Variants in REL observed in about 807,000 individuals in gnomAD.
REL encodes REL proto-oncogene, NF-kB subunit, also known as proto-oncogene c-Rel.
REL carries 15 observed loss-of-function variants against 45.9 expected under a neutral mutation model. The observed-to-expected ratio is 0.33, with a 90% CI of 0.22 to 0.50. The LOEUF (loss-of-function observed/expected upper bound fraction) is 0.50, where lower values mean the gene tolerates loss of function less well. Among genes scored for constraint, REL ranks in the 20% least tolerant of loss-of-function variants. The pLI, the probability that REL is intolerant of heterozygous loss-of-function variation, is 0.98. For synonymous variants in REL, 239 were observed against 242.1 expected, an observed-to-expected ratio of 0.99 and a Z score of 0.12; for missense variants, 601 against 715.2, an observed-to-expected ratio of 0.84 and a Z score of 1.82.
Position 60,894,405 on chromosome 2 carries a change from C to T in REL, c.162C>T (p.Asn54=). 6.6e-7 allele frequency: 1 copy of T among 1,525,766 alleles called. No homozygotes were observed. The highest frequency in any genetic ancestry group is 8.9e-7 in the Non-Finnish European group (1 of 1,122,678). The allele number at this position is 1,525,766 out of a possible 1,614,324, so 94.5% of individuals were successfully genotyped here. A position where few individuals can be genotyped will look rare whatever the true frequency, so the allele number is the denominator to read the frequency against. ...TTTCCCCCTTTTTTCAGATTATGAA[C>T]TATTATGGAAAAGGAAAAGTGAGAA... The part of the protein sequence containing the change: ...NRTYPSIQIM[N]YYGKGKVRIT... The change falls in exon 3 of 10, where the codon AAC becomes AAT. Residue 54 remains asparagine, a synonymous_variant. Transcript: ENST00000394479.
rs1674176138 is a variant in REL, at chr2:60,922,630, C to G, written c.*95C>G. ...CTGGGGATATAATACTATATTTATA[C>G]TGTATATATAATACTGACTGAGAAT... On this transcript the variant is annotated 3_prime_UTR_variant, in exon 10 of 10. Transcript: ENST00000394479. 2.1e-6 allele frequency: 3 copies of G among 1,404,396 alleles called. No homozygotes were observed. The highest frequency in any genetic ancestry group is 5.7e-5 in the Admixed American group (2 of 35,086). The allele number at this position is 1,404,396 out of a possible 1,614,324, so 87.0% of individuals were successfully genotyped here.
Position 60,925,679 on chromosome 2 carries a change from G to A in REL, c.*3144G>A, listed in dbSNP as rs1288840476. ...ACCCAGGATGTCTCTAGATGATGAT[G>A]GATGATAGGTGGGGAGATTTTTTTT... On this transcript the variant is annotated 3_prime_UTR_variant, in exon 10 of 10. Coordinates refer to ENST00000394479, the MANE Select transcript of REL (RefSeq NM_001291746.2). The A allele has an allele frequency of 5.3e-6, 1 of 187,054 alleles. No individual in the cohort carries two copies. Among genetic ancestry groups the A allele is most frequent in the East Asian group, 7.9e-5 (1 of 12,606 alleles). 11.6% of individuals were successfully genotyped at this position (187,054 alleles called of 1,614,324 possible).
intron 5 of REL, among the ~76,000 whole-genome samples, chr2:60,917,560 C>T (rs1290960886): frequency 7.7e-6 from 1 of 130,422 alleles, no homozygotes; most frequent in African/African-American, 2.9e-5. Context: ...GACAGGGTCT[C>T]ACTCTGTCAC....
intron 4 of REL, among the ~76,000 whole-genome samples, chr2:60,904,086 A>AT (rs981486549): frequency 1.6e-4 from 25 of 152,262 alleles, no homozygotes; most frequent in African/African-American, 6.0e-4. Context: ...AATAGGTACT[A>AT]TTAATAACTC....
At chr2:60,899,046 G>T (rs991085780) in intron 3 of REL, 5 of 152,094 alleles carry the variant, frequency 3.3e-5, no homozygotes, top group African/African-American at 1.2e-4. Flanking sequence ...GAAACAAAAT[G>T]AAGTAATATA....
chr2:60,896,613 T>C (rs917805325), intron 3 of REL, among the ~76,000 whole-genome samples: 3 of 152,184 alleles, frequency 2.0e-5, no homozygotes, highest in African/African-American at 7.2e-5. Flanking sequence ...CTTACAATAA[T>C]AACACAAAAG....
chr2:60,887,799 A>G (rs150256968), intron 1 of REL, among the ~76,000 whole-genome samples: 30 of 151,904 alleles, frequency 2.0e-4, no homozygotes, highest in African/African-American at 7.0e-4. Flanking sequence ...ACTGATATTT[A>G]TGTAATTTTT....
At chr2:60,904,485 C>G (rs186223087) in intron 4 of REL, among the ~76,000 whole-genome samples, 1 of 151,586 alleles carries the variant, frequency 6.6e-6, no homozygotes, top group East Asian at 1.9e-4. Flanking sequence ...GCAGGAGAAT[C>G]GCTTGAACCC....
At position 60,925,906 on chromosome 2, in the gene REL, T is replaced by G. The variant is rs1052644721; in HGVS notation, c.*3371T>G. On this transcript the variant is annotated 3_prime_UTR_variant, in exon 10 of 10. Coordinates refer to ENST00000394479, the MANE Select transcript of REL (RefSeq NM_001291746.2). ...TAAAACTAAATAAGTGTTGGCTAGT[T>G]TTGCGGTGTAAGCAGAATTAAGGTT... 4.4e-6 allele frequency: 1 copy of G among 225,280 alleles called. No homozygotes were observed. The highest frequency in any genetic ancestry group is 2.2e-5 in the African/African-American group (1 of 44,844). The allele number at this position is 225,280 out of a possible 1,614,324, so 14.0% of individuals were successfully genotyped here.
intron 4 of REL, among the ~76,000 whole-genome samples, chr2:60,903,129 A>G (rs1351524268): frequency 6.6e-6 from 1 of 152,232 alleles, no homozygotes; most frequent in East Asian, 1.9e-4. Flanking sequence ...TATAAGTGAT[A>G]GCTATCATTT....
chr2:60,900,976 G>T lies in REL; in HGVS notation c.303-16G>T. 1 of 1,590,576 alleles carries T rather than the reference G, an allele frequency of 6.3e-7. No homozygotes were observed. The highest frequency in any genetic ancestry group is 8.6e-7 in the Non-Finnish European group (1 of 1,168,416). ...TGTTTATAATGCAGTTTTGAATATT[G>T]TTTTTTTCCTGCTAGTTTCCAAAAT... On this transcript the variant is annotated splice_polypyrimidine_tract_variant and intron_variant, in intron 3 of 9. Coordinates refer to ENST00000394479, the MANE Select transcript of REL (RefSeq NM_001291746.2).
rs761861205 is a variant in REL at position 60,922,357 on chromosome 2, C to T, written c.1586C>T (p.Ala529Val). 2.5e-6 allele frequency: 4 copies of T among 1,614,102 alleles called. No individual in the cohort carries two copies. The Admixed American group carries it at 5.0e-5, about 20-fold the overall frequency. The change falls in exon 10 of 10, where the codon GCA becomes GTA. Residue 529 changes from alanine (A) to valine (V), a missense_variant. Ala to Val is a moderately conservative substitution (Grantham distance 64). Transcript: ENST00000394479. Reference protein sequence around the residue: ...NTTVFVSQSDAFEGSDFSCAD... With the variant: ...NTTVFVSQSDVFEGSDFSCAD... ...ACTGTTTTTGTTTCACAATCAGATG[C>T]ATTTGAGGGATCTGACTTCAGTTGT...
chr2:60,929,340 T>C lies in REL; in HGVS notation c.*6805T>C, dbSNP rs1317991937. ...TACTGGGTATATACCCAAAGGACTATAAATCATGCTGCTATAAAGACACAT... is the reference window on the plus strand; with the variant it reads ...TACTGGGTATATACCCAAAGGACTACAAATCATGCTGCTATAAAGACACAT... On this transcript the variant is annotated 3_prime_UTR_variant, in exon 10 of 10. Coordinates refer to ENST00000394479, the MANE Select transcript of REL (RefSeq NM_001291746.2). 2.9e-5 allele frequency: 4 copies of C among 139,896 alleles called. No individual in the cohort carries two copies. Among genetic ancestry groups the C allele is most frequent in the Admixed American group, 2.1e-4 (3 of 14,042 alleles). The allele number at this position is 139,896 out of a possible 1,614,324, so 8.7% of individuals were successfully genotyped here.
intron 1 of REL, among the ~76,000 whole-genome samples, chr2:60,888,652 A>G (rs1161274171): frequency 3.3e-5 from 5 of 152,224 alleles, no homozygotes; most frequent in Non-Finnish European, 1.5e-5. Flanking sequence ...CTGGCTCTTC[A>G]TCTTCTGAAT....
rs780858886 is a variant in REL at position 60,894,549 on chromosome 2, A to G, written c.302+4A>G. Reference sequence around the variant, plus strand: ...GACAAGAACGCAGACCTTTGTTGTAAGTACACAGTTACAGACATCTTCAGA... The same window carrying G: ...GACAAGAACGCAGACCTTTGTTGTAGGTACACAGTTACAGACATCTTCAGA... On this transcript the variant is annotated splice_donor_region_variant and intron_variant, in intron 3 of 9. Transcript: ENST00000394479. The G allele has an allele frequency of 6.3e-7, 1 of 1,577,518 alleles. No individual in the cohort carries two copies.
At chr2:60,912,474 G>C (rs968128738) in intron 4 of REL, among the ~76,000 whole-genome samples, 2 of 152,082 alleles carry the variant, frequency 1.3e-5, no homozygotes. Context: ...GCTTGAAGTT[G>C]CAATTTCCAA....
intron 4 of REL, among the ~76,000 whole-genome samples, chr2:60,911,599 G>A (rs796744991): frequency 1.1e-4 from 17 of 152,216 alleles, no homozygotes; most frequent in African/African-American, 4.1e-4. Flanking sequence ...TCAAAGAAAT[G>A]ATAAGATTTC....
At chr2:60,920,529 A>G in intron 8 of REL, 45 bp from the exon 9 acceptor site, 1 of 1,417,310 alleles carries the variant, frequency 7.1e-7, no homozygotes, top group South Asian at 1.2e-5. Flanking sequence ...TGATAATGTT[A>G]TTTTTCAAAT....
intron 1 of REL, among the ~76,000 whole-genome samples, chr2:60,886,829 T>G (rs1673083597): frequency 6.6e-6 from 1 of 152,184 alleles, no homozygotes; most frequent in Non-Finnish European, 1.5e-5. Flanking sequence ...TAAGCGCAAA[T>G]AAAAACATAG....
Sources: allele counts gnomAD v4.1 joint callset (sites outside exome capture counted in the v4.1 genomes callset), GRCh38; gene constraint gnomAD v4.1.1; transcripts MANE v1.5; gene names NCBI Gene and HGNC (gene_info 2026-07-23, HGNC 2026-07-21).